The following CPQ variants were observed in gnomAD, a reference collection of about 807,000 sequenced individuals.
CPQ encodes the protein carboxypeptidase Q.
CPQ carries 37 observed loss-of-function variants against 45.7 expected under a neutral mutation model. That is an observed-to-expected ratio of 0.81 (90% CI 0.62 to 1.07). The LOEUF (loss-of-function observed/expected upper bound fraction) is 1.07. CPQ is among the 50% of genes least tolerant of loss of function. The pLI is 0.00. For synonymous variants in CPQ, 186 were observed against 205.8 expected, an observed-to-expected ratio of 0.90 and a Z score of 0.82; for missense variants, 537 against 572.9, an observed-to-expected ratio of 0.94 and a Z score of 0.64.
chr8:96,986,897 A>G (rs1234713914), intron 5 of CPQ, among the ~76,000 whole-genome samples: 1 of 152,154 alleles, frequency 6.6e-6, no homozygotes, highest in Non-Finnish European at 1.5e-5. Flanking sequence ...ATATTAATGA[A>G]TATACTTAGA....
chr8:96,972,051 C>CA (rs953076476), intron 5 of CPQ, among the ~76,000 whole-genome samples: 6 of 151,934 alleles, frequency 3.9e-5, no homozygotes, highest in African/African-American at 7.2e-5. Flanking sequence ...CCTGAGATGC[C>CA]AAAAAAAACT....
chr8:97,045,023 G>A (rs1165851214), intron 6 of CPQ, among the ~76,000 whole-genome samples: 1 of 152,194 alleles, frequency 6.6e-6, no homozygotes, highest in Admixed American at 6.5e-5. Context: ...AAAGCTGTCA[G>A]ACAGGGACAT....
intron 1 of CPQ, among the ~76,000 whole-genome samples, chr8:96,731,732 G>C (rs139089025): frequency 1.2e-3 from 182 of 152,256 alleles, no homozygotes; most frequent in African/African-American, 4.2e-3. Flanking sequence ...TGTTGAGGTG[G>C]GAAGGAGTTC....
intron 1 of CPQ, among the ~76,000 whole-genome samples, chr8:96,760,786 A>G (rs1175680237): frequency 6.6e-6 from 1 of 152,214 alleles, no homozygotes; most frequent in Non-Finnish European, 1.5e-5. Context: ...ATTGGTAAAC[A>G]TCATAATGAC....
chr8:96,812,771 A>C (rs1214794874), intron 2 of CPQ, among the ~76,000 whole-genome samples: 2 of 152,014 alleles, frequency 1.3e-5, no homozygotes, highest in African/African-American at 4.8e-5. Context: ...AGAGACAAGC[A>C]AATAAGAGGC....
Position 97,054,490 on chromosome 8 carries a change from G to A in CPQ, c.1054-11519G>A, listed in dbSNP as rs537121025. On this transcript the variant is annotated intron_variant, in intron 6 of 7. Transcript: ENST00000220763. ...TGCACATGTACATTTATCACAGCATGGTTCACAATTGCAAAGATATGGAAT... is the reference window on the plus strand; with the variant it reads ...TGCACATGTACATTTATCACAGCATAGTTCACAATTGCAAAGATATGGAAT... 3.9e-5 allele frequency among the ~76,000 whole-genome samples: 6 copies of A among 152,246 alleles called. 1 individual carries two copies. The South Asian group carries it at 1.0e-3, about 26-fold the overall frequency.
intron 7 of CPQ, among the ~76,000 whole-genome samples, chr8:97,104,548 A>G (rs142176043): frequency 6.6e-6 from 1 of 152,342 alleles, no homozygotes; most frequent in Non-Finnish European, 1.5e-5. Flanking sequence ...TCACAATAAA[A>G]CATCCATCAA....
chr8:96,696,380 A>T (rs1377022525), intron 1 of CPQ, among the ~76,000 whole-genome samples: 1 of 151,954 alleles, frequency 6.6e-6, no homozygotes. Context: ...AGCATGGCAC[A>T]TGTGTACGTA....
chr8:96,970,268 A>AGAT (rs927259916), intron 5 of CPQ, among the ~76,000 whole-genome samples: 16 of 152,314 alleles, frequency 1.1e-4, no homozygotes, highest in African/African-American at 3.8e-4. Context: ...GACCTACAAA[A>AGAT]GATATCTCCT....
intron 3 of CPQ, among the ~76,000 whole-genome samples, chr8:96,872,126 G>C (rs1812078214): frequency 2.0e-5 from 3 of 152,010 alleles, no homozygotes; most frequent in Admixed American, 2.0e-4. Flanking sequence ...AATTTTTTCA[G>C]ATTTTGGAAT....
At position 96,889,610 on chromosome 8, in the gene CPQ, C is replaced by T. The variant is rs548436552; in HGVS notation, c.849+9605C>T. On this transcript the variant is annotated intron_variant, in intron 4 of 7. Transcript: ENST00000220763. ...ATCTGCAAGTTGAGGAACAAGGAAG[C>T]CAGCAGTGGATCATCCCGAGTCCCA... Among the ~76,000 whole-genome samples, 29 of 152,224 alleles carry T rather than the reference C, an allele frequency of 1.9e-4. No homozygotes were observed. In the South Asian group the frequency reaches 5.2e-3, roughly 27 times the overall value.
chr8:96,821,729 C>A (rs747741437), intron 2 of CPQ, among the ~76,000 whole-genome samples: 10 of 151,794 alleles, frequency 6.6e-5, no homozygotes, highest in Non-Finnish European at 1.5e-4. Flanking sequence ...TAAATAAATT[C>A]TCTCTCCTTT....
chr8:97,077,050 C>A (rs1305017802), intron 7 of CPQ, among the ~76,000 whole-genome samples: 1 of 152,138 alleles, frequency 6.6e-6, no homozygotes, highest in African/African-American at 2.4e-5. Flanking sequence ...GGAAGAGATA[C>A]ATTTATAGTA....
chr8:96,784,114 G>A (rs1810725588), intron 1 of CPQ, among the ~76,000 whole-genome samples: 1 of 152,106 alleles, frequency 6.6e-6, no homozygotes, highest in Non-Finnish European at 1.5e-5. Context: ...ATGCATTAAT[G>A]AGTGTAGCAT....
At chr8:96,750,298 C>T (rs1810241664) in intron 1 of CPQ, among the ~76,000 whole-genome samples, 1 of 151,242 alleles carries the variant, frequency 6.6e-6, no homozygotes, top group Admixed American at 6.6e-5. Flanking sequence ...CAAAATATTT[C>T]AAAAATTTCA....
chr8:97,127,132 G>A (rs1044633106), intron 7 of CPQ, among the ~76,000 whole-genome samples: 1 of 152,096 alleles, frequency 6.6e-6, no homozygotes, highest in African/African-American at 2.4e-5. Context: ...GATTACTAAA[G>A]GAACTAACCA....
intron 5 of CPQ, among the ~76,000 whole-genome samples, chr8:97,012,999 G>T (rs1358795133): frequency 6.6e-6 from 1 of 152,186 alleles, no homozygotes; most frequent in Non-Finnish European, 1.5e-5. Context: ...CTATGTCCCT[G>T]TGGGTAGGGT....
chr8:96,796,401 C>A (rs557853751), intron 2 of CPQ, among the ~76,000 whole-genome samples: 3 of 152,116 alleles, frequency 2.0e-5, no homozygotes, highest in Admixed American at 1.3e-4. Flanking sequence ...TTTAATAAAT[C>A]AATTGTAATT....
chr8:96,881,288 G>A (rs185069166), intron 4 of CPQ, among the ~76,000 whole-genome samples: 2 of 152,260 alleles, frequency 1.3e-5, no homozygotes, highest in Non-Finnish European at 2.9e-5. Context: ...TTCTGGGAAG[G>A]CTTCACAGAG....
Sources: gnomAD v4.1 joint callset for allele counts (sites outside exome capture counted in the v4.1 genomes callset) on GRCh38, gnomAD v4.1.1 for gene constraint, MANE v1.5 for transcripts, NCBI Gene and HGNC (gene_info 2026-07-23, HGNC 2026-07-21) for gene names.